Variants in MDFIC observed in about 807,000 individuals in gnomAD.
MDFIC encodes myoD family inhibitor domain-containing protein.
A neutral mutation model predicts 23.2 loss-of-function variants in MDFIC; 17 were observed. That is an observed-to-expected ratio of 0.73 (90% confidence interval 0.50 to 1.10). The LOEUF is 1.10. Among genes scored for constraint, MDFIC ranks in the 50% least tolerant of loss-of-function variants. MDFIC has a pLI of 0.00. For synonymous variants in MDFIC, 120 were observed against 115.2 expected, an observed-to-expected ratio of 1.04 and a Z score of -0.27; for missense variants, 356 against 316.6, an observed-to-expected ratio of 1.12 and a Z score of -0.95.
intron 4 of MDFIC, among the ~76,000 whole-genome samples, chr7:114,992,013 T>G (rs1424353204): frequency 6.6e-6 from 1 of 152,246 alleles, no homozygotes; most frequent in African/African-American, 2.4e-5. Flanking sequence ...GTTTGTGTCC[T>G]CTTTTATTTC....
intron 4 of MDFIC, among the ~76,000 whole-genome samples, chr7:114,983,401 C>T (rs1161911622): frequency 6.6e-6 from 1 of 151,816 alleles, no homozygotes; most frequent in African/African-American, 2.4e-5. Flanking sequence ...CTTTTCTAAC[C>T]AGGATAGCAA....
chr7:115,011,088 G>A (rs1204889908), intron 4 of MDFIC, among the ~76,000 whole-genome samples: 1 of 152,202 alleles, frequency 6.6e-6, no homozygotes, highest in African/African-American at 2.4e-5. Context: ...AGTGTTAGAA[G>A]TGACCCACTC....
intron 4 of MDFIC, among the ~76,000 whole-genome samples, chr7:114,993,904 T>C (rs1791249815): frequency 6.6e-6 from 1 of 152,194 alleles, no homozygotes; most frequent in Non-Finnish European, 1.5e-5. Context: ...TGGGTATCCT[T>C]GTTAACTTTC....
At chr7:114,954,314 C>T (rs754909722) in intron 3 of MDFIC, among the ~76,000 whole-genome samples, 7 of 152,212 alleles carry the variant, frequency 4.6e-5, no homozygotes, top group Non-Finnish European at 7.3e-5. Context: ...TTCTTGTCTT[C>T]ACCTGACTGT....
chr7:114,962,291 C>T (rs114111374), intron 3 of MDFIC, among the ~76,000 whole-genome samples: 212 of 152,258 alleles, frequency 1.4e-3, no homozygotes, highest in African/African-American at 4.9e-3. Context: ...GGAGCTGCAA[C>T]TTTTGAAAAT....
At chr7:114,992,515 A>T (rs576700188) in intron 4 of MDFIC, among the ~76,000 whole-genome samples, 1 of 152,282 alleles carries the variant, frequency 6.6e-6, no homozygotes, top group African/African-American at 2.4e-5. Flanking sequence ...TTATTTTGAG[A>T]TATGTCCCAG....
At chr7:114,977,329 T>C (rs901689489) in intron 3 of MDFIC, among the ~76,000 whole-genome samples, 12 of 152,286 alleles carry the variant, frequency 7.9e-5, no homozygotes, top group African/African-American at 2.4e-4. Context: ...CCCAGAGTTA[T>C]ACAGACAAGG....
chr7:114,960,618 T>C (rs778404071), intron 3 of MDFIC, among the ~76,000 whole-genome samples: 7 of 152,196 alleles, frequency 4.6e-5, no homozygotes, highest in Non-Finnish European at 8.8e-5. Context: ...CAGAAAAATA[T>C]GCACAAGAAT....
At chr7:114,990,399 G>A (rs894441684) in intron 4 of MDFIC, among the ~76,000 whole-genome samples, 1 of 151,306 alleles carries the variant, frequency 6.6e-6, no homozygotes, top group African/African-American at 2.4e-5. Flanking sequence ...TGTGCACAAC[G>A]TGCAGGTTTG....
rs930087995 is a variant in MDFIC, at chr7:115,017,180, A to C, written c.*1245A>C. ...ATACTTTTTTATTAGTTGTAGGAAT[A>C]CAGCTTTTTGAAAAAGCTATAAAGT... On this transcript the variant is annotated 3_prime_UTR_variant, in exon 5 of 5. Coordinates refer to ENST00000393486, the MANE Select transcript of MDFIC (RefSeq NM_001166345.3). 6.6e-6 allele frequency: 1 copy of C among 152,222 alleles called. No individual in the cohort carries two copies. The highest frequency in any genetic ancestry group is 1.5e-5 in the Non-Finnish European group (1 of 68,026). The allele number at this position is 152,222 out of a possible 1,614,324, so 9.4% of individuals were successfully genotyped here.
rs1791864456 is a variant in MDFIC at position 115,019,769 on chromosome 7, A to G, written c.*3834A>G. Among the ~76,000 whole-genome samples, 1 of 152,096 alleles carries G rather than the reference A, an allele frequency of 6.6e-6. No individual in the cohort carries two copies. The highest frequency in any genetic ancestry group is 1.5e-5 in the Non-Finnish European group (1 of 67,994). On this transcript the variant is annotated 3_prime_UTR_variant, in exon 5 of 5. Coordinates refer to ENST00000393486, the MANE Select transcript of MDFIC (RefSeq NM_001166345.3). Reference sequence around the variant, plus strand: ...TTGCACTAATACAACAGAACATATCATTTTTGTTTTAAACAATGGTTAATA... The same window carrying G: ...TTGCACTAATACAACAGAACATATCGTTTTTGTTTTAAACAATGGTTAATA...
chr7:114,942,154 A>AT, intron 2 of MDFIC, 121 bp from the exon 3 acceptor site: 1 of 552,388 alleles, frequency 1.8e-6, no homozygotes, highest in Non-Finnish European at 2.9e-6. Context: ...CAATAGAGGT[A>AT]TACCTGTTCT....
chr7:114,969,892 G>C (rs909240425), intron 3 of MDFIC, among the ~76,000 whole-genome samples: 19 of 152,266 alleles, frequency 1.2e-4, no homozygotes, highest in Non-Finnish European at 7.4e-5. Context: ...TTCCTCTTCT[G>C]AAGTAATTCA....
chr7:114,942,034 G>C (rs2709486), intron 2 of MDFIC, among the ~76,000 whole-genome samples: 129,227 of 152,116 alleles, frequency 0.85, 56,133 homozygotes, highest in East Asian at 1. Flanking sequence ...CTTGTTTACT[G>C]TAAACTTAAC....
chr7:115,012,078 C>T (rs766796344), intron 4 of MDFIC, among the ~76,000 whole-genome samples: 1 of 152,214 alleles, frequency 6.6e-6, no homozygotes, highest in Admixed American at 6.5e-5. Context: ...GCTTTCCCTT[C>T]CTCACCTTAA....
intron 3 of MDFIC, among the ~76,000 whole-genome samples, chr7:114,946,727 G>T (rs1052065678): frequency 6.6e-6 from 1 of 152,102 alleles, no homozygotes; most frequent in Admixed American, 6.5e-5. Flanking sequence ...GCTCTTCTCC[G>T]GCTCACACTT....
chr7:114,994,958 C>G (rs1295586193), intron 4 of MDFIC, among the ~76,000 whole-genome samples: 2 of 152,186 alleles, frequency 1.3e-5, no homozygotes, highest in Non-Finnish European at 2.9e-5. Flanking sequence ...AGCTTGGTTC[C>G]ATTCTCCCTG....
chr7:114,993,376 T>C (rs1791234395), intron 4 of MDFIC, among the ~76,000 whole-genome samples: 1 of 152,238 alleles, frequency 6.6e-6, no homozygotes, highest in Non-Finnish European at 1.5e-5. Flanking sequence ...ATCTTAGTTA[T>C]TTCTTGCCTT....
chr7:114,995,195 C>T (rs1220790116), intron 4 of MDFIC, among the ~76,000 whole-genome samples: 1 of 152,204 alleles, frequency 6.6e-6, no homozygotes, highest in Non-Finnish European at 1.5e-5. Flanking sequence ...TATTCAGCTC[C>T]ATCAGGTCAT....
Sources: gnomAD v4.1 joint callset for allele counts (sites outside exome capture counted in the v4.1 genomes callset) on GRCh38, gnomAD v4.1.1 for gene constraint, MANE v1.5 for transcripts, NCBI Gene and HGNC (gene_info 2026-07-23, HGNC 2026-07-21) for gene names.